SEMA3D: variants seen among roughly 807,000 people sequenced by gnomAD.
SEMA3D encodes the protein semaphorin-3D.
In SEMA3D, 84 loss-of-function variants were observed where a neutral mutation model predicts 100.1. That is an observed-to-expected ratio of 0.84 (90% CI 0.70 to 1.01). The LOEUF (loss-of-function observed/expected upper bound fraction) is 1.01, where lower values mean the gene tolerates loss of function less well. Ranked by LOEUF, SEMA3D falls within the 50% of genes least tolerant of loss-of-function variation. The pLI, the probability that SEMA3D is intolerant of heterozygous loss-of-function variation, is 0.00. For missense variants in SEMA3D, 875 were observed against 934.1 expected (o/e 0.94, Z 0.82); for synonymous variants, 312 against 320.7 (o/e 0.97, Z 0.29).
At chr7:85,132,704 T>G (rs1562830306) in intron 2 of SEMA3D, among the ~76,000 whole-genome samples, 1 of 151,928 alleles carries the variant, frequency 6.6e-6, no homozygotes, top group Non-Finnish European at 1.5e-5. Flanking sequence ...CATAATAAAA[T>G]GTAGAAATAT....
intron 1 of SEMA3D, among the ~76,000 whole-genome samples, chr7:85,158,534 C>A (rs997082318): frequency 1.3e-5 from 2 of 152,142 alleles, no homozygotes; most frequent in Non-Finnish European, 2.9e-5. Flanking sequence ...ACAATGCCTG[C>A]CTGAAACTTC....
chr7:85,225,774 A>G, the SEMA3D span, among the ~76,000 whole-genome samples: 3 of 151,944 alleles, frequency 2.0e-5, no homozygotes, highest in East Asian at 5.8e-4. Context: ...GCTCCCCTAG[A>G]GGTATGAGCA....
intron 4 of SEMA3D, among the ~76,000 whole-genome samples, chr7:85,091,151 A>G (rs1259350040): frequency 7.4e-6 from 1 of 135,500 alleles, no homozygotes; most frequent in African/African-American, 2.9e-5. Flanking sequence ...GGAAGGAAGG[A>G]GGGAAGGAAG....
intron 15 of SEMA3D, 144 bp from the exon 16 acceptor site, chr7:85,015,360 G>T: frequency 1.6e-6 from 1 of 633,144 alleles, no homozygotes; most frequent in Non-Finnish European, 2.7e-6. Flanking sequence ...GAAACATAAT[G>T]AGGAGTAAAA....
At chr7:85,022,701 C>A (rs181386285) in intron 12 of SEMA3D, 88 bp from the exon 13 acceptor site, 71 of 807,968 alleles carry the variant, frequency 8.8e-5, no homozygotes, top group Middle Eastern at 7.0e-4. Flanking sequence ...TATAGCTTAT[C>A]ATCAATAATA....
intron 9 of SEMA3D, among the ~76,000 whole-genome samples, chr7:85,046,876 C>G (rs190328983): frequency 4.5e-4 from 69 of 152,034 alleles, no homozygotes; most frequent in African/African-American, 1.5e-3. Flanking sequence ...AACCATCTCA[C>G]GAACACAATA....
intron 11 of SEMA3D, among the ~76,000 whole-genome samples, chr7:85,040,146 TTTTA>T (rs1408477413): frequency 6.6e-6 from 1 of 151,936 alleles, no homozygotes; most frequent in African/African-American, 2.4e-5. Context: ...CCAGCTATTT[TTTTA>T]TTTACTTTTT....
At chr7:85,109,001 T>A (rs1789013289) in intron 3 of SEMA3D, among the ~76,000 whole-genome samples, 1 of 151,984 alleles carries the variant, frequency 6.6e-6, no homozygotes, top group Non-Finnish European at 1.5e-5. Context: ...ATCTTTGCTG[T>A]TATCTGTGGT....
chr7:85,065,389 A>G (rs1004042719), intron 8 of SEMA3D, 35 bp downstream of exon 8: 3 of 1,602,484 alleles, frequency 1.9e-6, no homozygotes, highest in Non-Finnish European at 2.6e-6. Context: ...AACCAAAGCA[A>G]GACAATCAAA....
chr7:84,999,645 C>T lies in SEMA3D; in HGVS notation c.2129G>A (p.Arg710Gln), dbSNP rs376940969. The change falls in exon 19 of 19, where the codon CGG (arginine) becomes CAG (glutamine). Residue 710 changes from arginine (R) to glutamine (Q), a missense_variant. Transcript: ENST00000284136. ...GKVKDLLAESRLRYKDYIQIL... is the reference protein window; with the variant it reads ...GKVKDLLAESQLRYKDYIQIL... The stretch of plus-strand genomic sequence containing the variant: ...TTGGATGTAGTCTTTGTATCTCAAC[C>T]GTGACTCAGCCAATAGATCCTTGAC... The T allele has an allele frequency of 5.9e-5, 96 of 1,613,862 alleles. No homozygotes were observed. The Middle Eastern group carries it at 8.2e-4, about 14-fold the overall frequency.
At chr7:85,232,230 T>G in the SEMA3D span, among the ~76,000 whole-genome samples, 2 of 152,218 alleles carry the variant, frequency 1.3e-5, no homozygotes, top group African/African-American at 4.8e-5. Flanking sequence ...CAATATTTTT[T>G]TGTGCCATTA....
rs1789913328 is a variant in SEMA3D at position 85,010,183 on chromosome 7, C to G, written c.1768+2599G>C. The stretch of plus-strand genomic sequence containing the variant: ...TACATAAGGCAGCAACCCATTGATG[C>G]TTTTGAAAAAGAGAAAGCTACTAAG... On this transcript the variant is annotated intron_variant, in intron 17 of 18. Transcript: ENST00000284136. Among the ~76,000 whole-genome samples the G allele has an allele frequency of 4.0e-5, 6 of 151,750 alleles. No individual in the cohort carries two copies. In the South Asian group the frequency reaches 1.0e-3, roughly 26 times the overall value.
intron 1 of SEMA3D, among the ~76,000 whole-genome samples, chr7:85,168,877 GA>G (rs1350327079): frequency 5.1e-4 from 66 of 129,330 alleles, no homozygotes; most frequent in African/African-American, 1.4e-3. Flanking sequence ...AAGAAAGAAA[GA>G]AAAGAAAGAA....
At chr7:85,193,555 G>T in the SEMA3D span, among the ~76,000 whole-genome samples, 5 of 152,068 alleles carry the variant, frequency 3.3e-5, no homozygotes, top group African/African-American at 4.8e-5. Context: ...TGGGAGAAGG[G>T]ATATACTCAA....
intron 3 of SEMA3D, among the ~76,000 whole-genome samples, chr7:85,113,312 G>A (rs1022646967): frequency 2.6e-5 from 4 of 152,058 alleles, no homozygotes; most frequent in African/African-American, 9.7e-5. Context: ...TCATAAATAT[G>A]CGAGAATTCG....
chr7:85,126,021 C>A (rs1238813346), intron 2 of SEMA3D, among the ~76,000 whole-genome samples: 3 of 151,944 alleles, frequency 2.0e-5, no homozygotes, highest in Admixed American at 6.6e-5. Flanking sequence ...GATGTGGAGC[C>A]AATAGGGAGT....
At chr7:85,126,777 CAT>C (rs1292018321) in intron 2 of SEMA3D, among the ~76,000 whole-genome samples, 1 of 151,952 alleles carries the variant, frequency 6.6e-6, no homozygotes, top group African/African-American at 2.4e-5. Flanking sequence ...AAAGGGGTAA[CAT>C]AGGCAAACAC....
At chr7:85,233,311 A>C in the SEMA3D span, among the ~76,000 whole-genome samples, 19 of 152,200 alleles carry the variant, frequency 1.2e-4, no homozygotes, top group Admixed American at 1.2e-3. Context: ...GAAATGCTAG[A>C]ATGGCTCAGC....
chr7:85,155,782 A>T (rs991063970), intron 1 of SEMA3D, among the ~76,000 whole-genome samples: 9 of 152,194 alleles, frequency 5.9e-5, no homozygotes, highest in African/African-American at 2.2e-4. Context: ...TAATATTTGC[A>T]TTTATCATAG....
Sources: gnomAD v4.1 joint callset for allele counts (sites outside exome capture counted in the v4.1 genomes callset) on GRCh38, gnomAD v4.1.1 for gene constraint, MANE v1.5 for transcripts, NCBI Gene and HGNC (gene_info 2026-07-23, HGNC 2026-07-21) for gene names.